The following TAOK3 variants were observed in gnomAD, a reference collection of about 807,000 sequenced individuals.
TAOK3 encodes serine/threonine-protein kinase TAO3.
A neutral mutation model predicts 120.4 loss-of-function variants in TAOK3; 40 were observed. That is an observed-to-expected ratio of 0.33 (90% CI 0.26 to 0.43). TAOK3 has a LOEUF of 0.43. TAOK3 is among the 20% of genes least tolerant of loss of function. The pLI is 1.00. For synonymous variants in TAOK3, 355 were observed against 387.5 expected, an observed-to-expected ratio of 0.92 and a Z score of 0.99; for missense variants, 821 against 1,112.1, an observed-to-expected ratio of 0.74 and a Z score of 3.72.
intron 1 of TAOK3, among the ~76,000 whole-genome samples, chr12:118,363,698 C>T (rs2045665538): frequency 6.6e-6 from 1 of 151,034 alleles, no homozygotes; most frequent in African/African-American, 2.4e-5. Context: ...AAGCGCTTGG[C>T]TAGTTAAGAA....
At position 118,181,556 on chromosome 12, in the gene TAOK3, T is replaced by C; in HGVS notation, c.1381A>G (p.Met461Val). 1 of 1,614,200 alleles carries C rather than the reference T, an allele frequency of 6.2e-7. No individual in the cohort carries two copies. Among genetic ancestry groups the C allele is most frequent in the Non-Finnish European group, 8.5e-7 (1 of 1,180,040 alleles). The change falls in exon 15 of 21, where the codon ATG becomes GTG. Residue 461 changes from methionine (M) to valine (V), a missense_variant. This residue lies in a region of TAOK3 where 354 missense variants were observed against 572.1 expected (regional missense o/e 0.62). Transcript: ENST00000392533. ...HEQENELREQMSGYKRMRRQH... is the reference protein window; with the variant it reads ...HEQENELREQVSGYKRMRRQH... The stretch of plus-strand genomic sequence containing the variant: ...CGCCGCATCCGCTTATAACCTGACA[T>C]CTGTTCCCGCAACTCGTTCTCCTGC...
chr12:118,290,916 C>T (rs1444783903), intron 1 of TAOK3, among the ~76,000 whole-genome samples: 2 of 149,938 alleles, frequency 1.3e-5, no homozygotes, highest in African/African-American at 4.9e-5. Context: ...TTTCCTGAGA[C>T]GGAGTCTGTT....
intron 9 of TAOK3, among the ~76,000 whole-genome samples, chr12:118,216,186 G>T (rs1357451550): frequency 6.6e-6 from 1 of 152,150 alleles, no homozygotes; most frequent in African/African-American, 2.4e-5. Context: ...AACAGAGTGA[G>T]ACCCCGTCTT....
chr12:118,220,460 C>A (rs939606828), intron 9 of TAOK3, among the ~76,000 whole-genome samples: 1 of 151,608 alleles, frequency 6.6e-6, no homozygotes, highest in Non-Finnish European at 1.5e-5. Context: ...CACTAAGTCT[C>A]GGGGCTCATG....
chr12:118,261,001 A>G (rs1049741042), intron 2 of TAOK3, among the ~76,000 whole-genome samples: 3 of 152,156 alleles, frequency 2.0e-5, no homozygotes, highest in Admixed American at 6.5e-5. Context: ...ACCTTTAGAG[A>G]TGAAAGCTAC....
At chr12:118,334,710 A>T (rs918153415) in intron 1 of TAOK3, among the ~76,000 whole-genome samples, 16 of 149,176 alleles carry the variant, frequency 1.1e-4, no homozygotes, top group Non-Finnish European at 2.1e-4. Context: ...TCTCGTCTCT[A>T]CTAAACATAC....
chr12:118,330,699 C>CA (rs1443437737), intron 1 of TAOK3, among the ~76,000 whole-genome samples: 1 of 91,280 alleles, frequency 1.1e-5, no homozygotes, highest in Non-Finnish European at 2.4e-5. Flanking sequence ...AAAAAAAATT[C>CA]AAAAAAAGAG....
chr12:118,181,300 C>G, intron 15 of TAOK3, 71 bp downstream of exon 15: 1 of 1,346,238 alleles, frequency 7.4e-7, no homozygotes, highest in Non-Finnish European at 1.0e-6. Flanking sequence ...CTGCCTCTTG[C>G]TAACATCCTG....
intron 9 of TAOK3, among the ~76,000 whole-genome samples, chr12:118,227,361 T>C (rs888342733): frequency 6.0e-5 from 9 of 148,912 alleles, no homozygotes; most frequent in Non-Finnish European, 1.3e-4. Context: ...ATAAGTAATA[T>C]TTTATAAGAA....
At chr12:118,215,759 C>T (rs532911884) in intron 9 of TAOK3, among the ~76,000 whole-genome samples, 4 of 151,990 alleles carry the variant, frequency 2.6e-5, no homozygotes, top group African/African-American at 9.7e-5. Flanking sequence ...GAGGACTTGC[C>T]CTGTTGCCCA....
intron 11 of TAOK3, among the ~76,000 whole-genome samples, chr12:118,209,497 C>G (rs1173783545): frequency 6.6e-6 from 1 of 151,640 alleles, no homozygotes; most frequent in African/African-American, 2.4e-5. Context: ...CCTAGTTGAT[C>G]AAGCGATTCT....
chr12:118,276,590 TACTCTG>T (rs1335208215), intron 1 of TAOK3, among the ~76,000 whole-genome samples: 7 of 152,048 alleles, frequency 4.6e-5, no homozygotes, highest in African/African-American at 1.7e-4. Context: ...TAGTCCCAGC[TACTCTG>T]GAGGCTGAGG....
intron 14 of TAOK3, among the ~76,000 whole-genome samples, chr12:118,188,921 TGA>T (rs1565920621): frequency 3.3e-5 from 2 of 60,532 alleles, no homozygotes; most frequent in Non-Finnish European, 3.0e-5. Flanking sequence ...TGAAACGATG[TGA>T]GTGTGTGTGT....
In TAOK3 at chr12:118,172,510, T is replaced by C; in HGVS notation, c.1846A>G (p.Lys616Glu). The change falls in exon 17 of 21, where the codon AAG (lysine) becomes GAG (glutamate). Residue 616 changes from lysine to glutamate, a missense_variant. By Grantham distance (56) the Lys-to-Glu change is moderately conservative. Around this residue, in one of 2 missense-constraint regions of TAOK3, gnomAD observed 354 missense variants for 572.1 expected, o/e 0.62. Coordinates refer to ENST00000392533, the MANE Select transcript of TAOK3 (RefSeq NM_016281.4). ...TGCCGCTTGATCATTATTTTCCGCTTGAAGAAACGACAATTTTTGTCGTAG... is the reference window on the plus strand; with the variant it reads ...TGCCGCTTGATCATTATTTTCCGCTCGAAGAAACGACAATTTTTGTCGTAG... ...LYYDKNCRFF[K>E]RKIMIKRHEV... 6.2e-7 allele frequency: 1 copy of C among 1,614,176 alleles called. No homozygotes were observed. Among genetic ancestry groups the C allele is most frequent in the Non-Finnish European group, 8.5e-7 (1 of 1,180,026 alleles).
intron 2 of TAOK3, among the ~76,000 whole-genome samples, chr12:118,256,931 C>T (rs1019329881): frequency 3.3e-5 from 5 of 152,204 alleles, no homozygotes; most frequent in African/African-American, 9.6e-5. Context: ...AGAGATATTA[C>T]AAAAATTCAT....
chr12:118,274,367 G>T (rs1295792685), intron 1 of TAOK3, among the ~76,000 whole-genome samples: 1 of 152,092 alleles, frequency 6.6e-6, no homozygotes, highest in African/African-American at 2.4e-5. Context: ...TTTCTACGTG[G>T]CAAATAATGC....
At chr12:118,218,184 G>A in intron 9 of TAOK3, among the ~76,000 whole-genome samples, 1 of 151,896 alleles carries the variant, frequency 6.6e-6, no homozygotes, top group Non-Finnish European at 1.5e-5. Flanking sequence ...TGGTATTACA[G>A]TGATATGAAC....
At chr12:118,302,255 G>A (rs918329307) in intron 1 of TAOK3, among the ~76,000 whole-genome samples, 1 of 152,152 alleles carries the variant, frequency 6.6e-6, no homozygotes, top group Non-Finnish European at 1.5e-5. Context: ...CTGGCAAGAG[G>A]GAAAATTAGG....
chr12:118,203,247 A>T lies in TAOK3; in HGVS notation c.820-1784T>A, dbSNP rs529198313. 1.3e-4 allele frequency among the ~76,000 whole-genome samples: 20 copies of T among 152,098 alleles called. No individual in the cohort carries two copies. The East Asian group carries it at 1.6e-3, about 12-fold the overall frequency. ...CAGAGGTCAAAATTCTGGCAACTTC[A>T]TTTCCCCAATTAAAAAAAAGGGTCT... On this transcript the variant is annotated intron_variant, in intron 11 of 20. Coordinates refer to ENST00000392533, the MANE Select transcript of TAOK3 (RefSeq NM_016281.4).
Sources: allele counts gnomAD v4.1 joint callset (sites outside exome capture counted in the v4.1 genomes callset), GRCh38; gene constraint gnomAD v4.1.1; regional missense constraint gnomAD v4.1.1; transcripts MANE v1.5; gene names NCBI Gene and HGNC (gene_info 2026-07-23, HGNC 2026-07-21).